Variants in MIAT observed in about 807,000 individuals in gnomAD.
MIAT encodes myocardial infarction associated transcript, also known as MI related novel mRNA.
At chr22:26,667,525 T>A (rs1930897002) in intron 5 of MIAT, among the ~76,000 whole-genome samples, 1 of 152,092 alleles carries the variant, frequency 6.6e-6, no homozygotes, top group African/African-American at 2.4e-5. Context: ...CCTCTGAAAG[T>A]CCTTCCCATC....
At chr22:26,660,920 C>T (rs945647648) in intron 2 of MIAT, 9 of 152,142 alleles carry the variant, frequency 5.9e-5, no homozygotes, top group South Asian at 2.1e-4. Context: ...ATCACAATCC[C>T]GGTTTTAAAA....
chr22:26,675,472 G>T, exon 5 of MIAT: 1 of 398,678 alleles, frequency 2.5e-6, no homozygotes. Context: ...GTGGAACTCA[G>T]AGGAGTTTGC....
chr22:26,648,455 C>T (rs1204270396), intron 2 of MIAT, among the ~76,000 whole-genome samples: 1 of 151,996 alleles, frequency 6.6e-6, no homozygotes, highest in Non-Finnish European at 1.5e-5. Flanking sequence ...CCTGCGACCT[C>T]AGGCAAGGTC....
chr22:26,667,396 G>A (rs899059567), intron 5 of MIAT: 30 of 388,888 alleles, frequency 7.7e-5, no homozygotes, highest in Non-Finnish European at 1.1e-4. Flanking sequence ...GTGTGCATGC[G>A]TGCATGTGTG....
intron 3 of MIAT, chr22:26,665,400 G>A (rs947992585): frequency 4.0e-5 from 16 of 398,262 alleles, no homozygotes; most frequent in East Asian, 3.6e-4. Context: ...CCTCTAAGAC[G>A]GTGTCAGCTA....
downstream of MIAT, chr22:26,671,313 T>G (rs1305653656): frequency 1.0e-5 from 4 of 398,542 alleles, 1 homozygote; most frequent in Admixed American, 4.4e-5. Flanking sequence ...GGCTTAGAGT[T>G]AGACCCCCTG....
downstream of MIAT, chr22:26,673,068 G>T: frequency 2.5e-6 from 1 of 398,632 alleles, no homozygotes; most frequent in Non-Finnish European, 4.4e-6. Context: ...GTTAGTTGTC[G>T]GGTTGAAAAG....
intron 2 of MIAT, among the ~76,000 whole-genome samples, chr22:26,652,087 A>T (rs1399710118): frequency 6.6e-6 from 1 of 152,096 alleles, no homozygotes; most frequent in Non-Finnish European, 1.5e-5. Flanking sequence ...TCTAACGCCT[A>T]GGCTCAAGTG....
intron 2 of MIAT, among the ~76,000 whole-genome samples, chr22:26,655,358 T>C (rs1452362388): frequency 1.3e-5 from 2 of 152,230 alleles, no homozygotes; most frequent in Non-Finnish European, 2.9e-5. Context: ...AAGGACAGGC[T>C]TAAATCTACC....
chr22:26,653,404 C>G (rs537042168), intron 2 of MIAT, among the ~76,000 whole-genome samples: 1 of 152,088 alleles, frequency 6.6e-6, no homozygotes, highest in African/African-American at 2.4e-5. Flanking sequence ...CCTTTTGCTC[C>G]CCTCCGCCAC....
chr22:26,672,653 G>A, downstream of MIAT: 1 of 399,094 alleles, frequency 2.5e-6, no homozygotes. Flanking sequence ...TCCTGCACAG[G>A]AAGTCACGAG....
chr22:26,649,693 T>A (rs1427828770), intron 2 of MIAT, among the ~76,000 whole-genome samples: 1 of 152,166 alleles, frequency 6.6e-6, no homozygotes, highest in East Asian at 1.9e-4. Flanking sequence ...GGCGGGTGGA[T>A]CACGAGGTCA....
At chr22:26,648,830 A>G (rs186111913) in intron 2 of MIAT, among the ~76,000 whole-genome samples, 2 of 152,248 alleles carry the variant, frequency 1.3e-5, no homozygotes, top group Admixed American at 1.3e-4. Context: ...CTTTATAATA[A>G]CTAACCAGGT....
At chr22:26,647,432 T>G in intron 2 of MIAT, 2 of 368,706 alleles carry the variant, frequency 5.4e-6, no homozygotes, top group East Asian at 3.9e-5. Flanking sequence ...AGAGATTGTG[T>G]ACAACAGAAA....
downstream of MIAT, chr22:26,673,009 A>G (rs547851520): frequency 1.0e-5 from 4 of 398,624 alleles, no homozygotes; most frequent in African/African-American, 6.2e-5. Context: ...TGGGGCCGTG[A>G]CCGGAAGTCC....
intron 3 of MIAT, chr22:26,663,478 TC>T (rs1192712861): frequency 7.5e-6 from 3 of 397,724 alleles, no homozygotes; most frequent in African/African-American, 6.2e-5. Context: ...CATCACGAAA[TC>T]CGTATGTCCT....
chr22:26,653,965 T>A (rs1930380775), intron 2 of MIAT, among the ~76,000 whole-genome samples: 1 of 152,134 alleles, frequency 6.6e-6, no homozygotes, highest in African/African-American at 2.4e-5. Context: ...GGTCTCAAAC[T>A]CTTGACCTCA....
At chr22:26,674,325 A>AG (rs994948252), downstream of MIAT, 1 of 398,572 alleles carries the variant, frequency 2.5e-6, no homozygotes, top group African/African-American at 2.1e-5. Flanking sequence ...TTGGGAGTAG[A>AG]GGGGCAGGGA....
chr22:26,648,980 G>A (rs1930290161), intron 2 of MIAT, among the ~76,000 whole-genome samples: 1 of 151,712 alleles, frequency 6.6e-6, no homozygotes, highest in South Asian at 2.1e-4. Flanking sequence ...CAAATCACTT[G>A]CATGAGGCCC....
Sources: gnomAD v4.1 joint callset for allele counts (sites outside exome capture counted in the v4.1 genomes callset) on GRCh38, gnomAD v4.1.1 for gene constraint, MANE v1.5 for transcripts, NCBI Gene and HGNC (gene_info 2026-07-23, HGNC 2026-07-21) for gene names.